The following AFF3 variants were observed in gnomAD, a reference collection of about 807,000 sequenced individuals.
AFF3 encodes AF4/FMR2 family member 3.
A neutral mutation model predicts 129.7 loss-of-function variants in AFF3; 32 were observed. The observed-to-expected ratio is 0.25, with a 90% CI of 0.19 to 0.33. The LOEUF is 0.33. Ranked by LOEUF, AFF3 falls within the 10% of genes least tolerant of loss-of-function variation. The probability of loss-of-function intolerance (pLI) is 1.00; values close to 1 mark genes in which losing one functional copy is unlikely to be tolerated. For missense variants in AFF3, 1,373 were observed against 1,592.0 expected (o/e 0.86, Z 2.34); for synonymous variants, 644 against 635.4 (o/e 1.01, Z -0.20).
chr2:99,801,089 C>A (rs1418609952), intron 8 of AFF3, among the ~76,000 whole-genome samples: 1 of 152,086 alleles, frequency 6.6e-6, no homozygotes, highest in Non-Finnish European at 1.5e-5. Context: ...CCGGTATATA[C>A]CAATGTGAAA....
At chr2:99,850,135 T>C (rs1400641507) in intron 7 of AFF3, among the ~76,000 whole-genome samples, 2 of 152,204 alleles carry the variant, frequency 1.3e-5, no homozygotes. Flanking sequence ...ATCTGTCTGT[T>C]AAATAAGCAT....
intron 7 of AFF3, among the ~76,000 whole-genome samples, chr2:99,871,935 C>T (rs964600579): frequency 4.6e-5 from 7 of 151,984 alleles, no homozygotes; most frequent in South Asian, 2.1e-4. Flanking sequence ...GGGCCAGGTG[C>T]GGTGGCTCAT....
intron 4 of AFF3, among the ~76,000 whole-genome samples, chr2:100,047,745 A>G (rs991027772): frequency 1.3e-5 from 2 of 152,216 alleles, no homozygotes; most frequent in Non-Finnish European, 2.9e-5. Flanking sequence ...GGAGTAAAAC[A>G]TCATGTCCTC....
At chr2:99,822,835 G>A (rs773758350) in intron 8 of AFF3, among the ~76,000 whole-genome samples, 4 of 152,142 alleles carry the variant, frequency 2.6e-5, no homozygotes, top group Non-Finnish European at 5.9e-5. Context: ...TTTTTCCAGA[G>A]TTCGGGGTGG....
intron 17 of AFF3, among the ~76,000 whole-genome samples, chr2:99,579,313 G>A (rs564886578): frequency 3.3e-5 from 5 of 152,030 alleles, no homozygotes; most frequent in Non-Finnish European, 7.4e-5. Context: ...GCTGAGGCAG[G>A]AGAATCGCTT....
At chr2:99,640,515 C>T (rs918468763) in intron 13 of AFF3, among the ~76,000 whole-genome samples, 1 of 152,018 alleles carries the variant, frequency 6.6e-6, no homozygotes, top group Non-Finnish European at 1.5e-5. Context: ...ATGCTTTGCC[C>T]AAAGTAAATT....
chr2:100,138,890 A>C (rs1191373675), intron 1 of AFF3, among the ~76,000 whole-genome samples: 1 of 146,140 alleles, frequency 6.8e-6, no homozygotes, highest in Non-Finnish European at 1.5e-5. Flanking sequence ...GGCTGCAGTG[A>C]GCCGAAATCA....
chr2:99,980,428 G>C (rs1679302646), intron 7 of AFF3, among the ~76,000 whole-genome samples: 2 of 152,192 alleles, frequency 1.3e-5, no homozygotes, highest in African/African-American at 4.8e-5. Flanking sequence ...CTGTGCTGGA[G>C]GGACATGAAG....
chr2:99,585,589 T>C (rs1454431520), intron 16 of AFF3, among the ~76,000 whole-genome samples: 1 of 152,214 alleles, frequency 6.6e-6, no homozygotes, highest in Non-Finnish European at 1.5e-5. Context: ...GACCTCTTCA[T>C]TTTCACTAAC....
At chr2:99,800,338 T>C (rs1685847819) in intron 8 of AFF3, among the ~76,000 whole-genome samples, 1 of 152,114 alleles carries the variant, frequency 6.6e-6, no homozygotes, top group Admixed American at 6.6e-5. Flanking sequence ...CAACCAATCA[T>C]GAAGGCAATG....
chr2:99,712,541 T>C (rs762490265), intron 11 of AFF3, among the ~76,000 whole-genome samples: 3 of 152,232 alleles, frequency 2.0e-5, no homozygotes, highest in Non-Finnish European at 4.4e-5. Context: ...CTCTACTGTG[T>C]TTTGTGAACA....
chr2:99,989,781 G>C (rs10181027), intron 7 of AFF3, among the ~76,000 whole-genome samples: 1 of 152,090 alleles, frequency 6.6e-6, no homozygotes, highest in Non-Finnish European at 1.5e-5. Flanking sequence ...TTCAAAATAT[G>C]ATATTCTCTT....
rs1394970690 is a variant in AFF3 at position 99,551,223 on chromosome 2, C to T, written c.*251G>A. 2 of 558,472 alleles carry T rather than the reference C, an allele frequency of 3.6e-6. No individual in the cohort carries two copies. The highest frequency in any genetic ancestry group is 6.4e-6 in the Non-Finnish European group (2 of 314,830). 34.6% of individuals were successfully genotyped at this position (558,472 alleles called of 1,614,324 possible). On this transcript the variant is annotated 3_prime_UTR_variant, in exon 25 of 25. Coordinates refer to ENST00000672756, the MANE Select transcript of AFF3 (RefSeq NM_001386135.1). Reference sequence around the variant, plus strand: ...GAAACCTCTGATCACTTTGTCTAGCCTGGGATTATGGAAACTAGACAAAGA... The same window carrying T: ...GAAACCTCTGATCACTTTGTCTAGCTTGGGATTATGGAAACTAGACAAAGA...
chr2:99,883,257 A>T (rs1257380019), intron 7 of AFF3, among the ~76,000 whole-genome samples: 1 of 152,192 alleles, frequency 6.6e-6, no homozygotes, highest in East Asian at 1.9e-4. Flanking sequence ...CAGAACTCTC[A>T]TGTATAAAAC....
chr2:99,809,517 T>C (rs151177382), intron 8 of AFF3, among the ~76,000 whole-genome samples: 350 of 152,344 alleles, frequency 2.3e-3, no homozygotes, highest in Non-Finnish European at 3.5e-3. Context: ...CCAGTGTCTG[T>C]CGGCTAGTGA....
Position 99,877,934 on chromosome 2 carries a change from T to C in AFF3, c.874-40410A>G, listed in dbSNP as rs143633327. On this transcript the variant is annotated intron_variant, in intron 7 of 24. Coordinates refer to ENST00000672756, the MANE Select transcript of AFF3 (RefSeq NM_001386135.1). ...AGAAGTACTGAAGGCACTAAAAAAATGCATGTTGGATGAACACATCAAATC... is the reference window on the plus strand; with the variant it reads ...AGAAGTACTGAAGGCACTAAAAAAACGCATGTTGGATGAACACATCAAATC... Among the ~76,000 whole-genome samples, 512 of 152,264 alleles carry C rather than the reference T, an allele frequency of 3.4e-3. 4 individuals carry two copies. Among genetic ancestry groups the C allele is most frequent in the Non-Finnish European group, 5.0e-3 (339 of 68,020 alleles).
At chr2:100,025,622 G>A (rs566672983) in intron 4 of AFF3, among the ~76,000 whole-genome samples, 1 of 152,106 alleles carries the variant, frequency 6.6e-6, no homozygotes, top group African/African-American at 2.4e-5. Flanking sequence ...CAAATCTGGA[G>A]GCATCACACT....
intron 11 of AFF3, among the ~76,000 whole-genome samples, chr2:99,719,021 G>A (rs1678639788): frequency 6.9e-6 from 1 of 145,788 alleles, no homozygotes; most frequent in East Asian, 2.1e-4. Flanking sequence ...AAAGTGCTGG[G>A]ATTATAGGTG....
At chr2:99,823,977 G>A (rs1023120629) in intron 8 of AFF3, among the ~76,000 whole-genome samples, 6 of 151,974 alleles carry the variant, frequency 3.9e-5, no homozygotes, top group Admixed American at 6.6e-5. Context: ...ACCACCGATC[G>A]GATATACCCA....
Sources: allele counts gnomAD v4.1 joint callset (sites outside exome capture counted in the v4.1 genomes callset), GRCh38; gene constraint gnomAD v4.1.1; transcripts MANE v1.5; gene names NCBI Gene and HGNC (gene_info 2026-07-23, HGNC 2026-07-21).